ARMH4: variants seen among roughly 807,000 people sequenced by gnomAD.
The protein encoded by ARMH4 is armadillo like helical domain containing 4.
A neutral mutation model predicts 61.9 loss-of-function variants in ARMH4; 49 were observed. The observed-to-expected ratio is 0.79, with a 90% CI of 0.63 to 1.00. The LOEUF is 1.00. ARMH4 is among the 50% of genes least tolerant of loss of function. ARMH4 has a pLI of 0.00. For synonymous variants in ARMH4, 368 were observed against 341.5 expected, an observed-to-expected ratio of 1.08 and a Z score of -0.85; for missense variants, 934 against 930.0, an observed-to-expected ratio of 1.00 and a Z score of -0.06.
At chr14:58,058,251 C>T (rs1169110086) in intron 5 of ARMH4, among the ~76,000 whole-genome samples, 1 of 152,058 alleles carries the variant, frequency 6.6e-6, no homozygotes, top group African/African-American at 2.4e-5. Context: ...CCTAACGTAA[C>T]ATAAATGCCA....
intron 5 of ARMH4, among the ~76,000 whole-genome samples, chr14:58,057,197 G>A (rs942230212): frequency 4.6e-5 from 7 of 152,150 alleles, no homozygotes; most frequent in African/African-American, 7.2e-5. Flanking sequence ...GATGTTAAGC[G>A]AAATTGTCTA....
At chr14:58,060,200 G>T (rs1385546609) in intron 5 of ARMH4, among the ~76,000 whole-genome samples, 1 of 151,918 alleles carries the variant, frequency 6.6e-6, no homozygotes, top group Admixed American at 6.6e-5. Flanking sequence ...TCTTTCATTT[G>T]TCTACCTACA....
chr14:58,083,769 AC>A (rs1487840724), intron 5 of ARMH4, among the ~76,000 whole-genome samples: 1 of 152,158 alleles, frequency 6.6e-6, no homozygotes, highest in African/African-American at 2.4e-5. Context: ...AAAAGGGACA[AC>A]CCTTGCTGAC....
chr14:58,139,508 C>T, intron 1 of ARMH4, 94 bp from the exon 2 acceptor site: 2 of 708,022 alleles, frequency 2.8e-6, no homozygotes, highest in Non-Finnish European at 4.7e-6. Flanking sequence ...ATCTCCTTGA[C>T]TTTATAATAC....
chr14:58,077,230 T>C (rs1293555787), intron 5 of ARMH4, among the ~76,000 whole-genome samples: 1 of 152,164 alleles, frequency 6.6e-6, no homozygotes, highest in Non-Finnish European at 1.5e-5. Context: ...GTTGTTCTAT[T>C]TAAGAATGAG....
chr14:58,044,341 C>A (rs1157189340), intron 5 of ARMH4, among the ~76,000 whole-genome samples: 2 of 152,100 alleles, frequency 1.3e-5, no homozygotes, highest in Non-Finnish European at 2.9e-5. Flanking sequence ...CTTTGACAAA[C>A]CTGACAAAAA....
Position 58,138,612 on chromosome 14 carries a change from G to A in ARMH4, c.747C>T (p.Ser249=). 1 of 1,614,192 alleles carries A rather than the reference G, an allele frequency of 6.2e-7. No homozygotes were observed. Among genetic ancestry groups the A allele is most frequent in the Non-Finnish European group, 8.5e-7 (1 of 1,180,036 alleles). ...AESTAGSEPG[S]LTPDKEKPSQ... is the part of the protein sequence containing the mutation. The stretch of plus-strand genomic sequence containing the variant: ...AAGGCTTCTCCTTATCAGGGGTGAG[G>A]CTTCCAGGCTCACTGCCTGCTGTGG... Residue 249 remains serine, a synonymous_variant, in exon 2 of 8, where the codon AGC becomes AGT. Coordinates refer to ENST00000267485, the MANE Select transcript of ARMH4 (RefSeq NM_001001872.4).
intron 5 of ARMH4, among the ~76,000 whole-genome samples, chr14:58,085,544 T>A (rs947977228): frequency 6.6e-6 from 1 of 152,150 alleles, no homozygotes; most frequent in East Asian, 1.9e-4. Flanking sequence ...TAGTTCCAAG[T>A]CTCCTTTTCT....
intron 5 of ARMH4, among the ~76,000 whole-genome samples, chr14:58,032,745 G>A (rs928840724): frequency 1.4e-4 from 21 of 152,162 alleles, no homozygotes; most frequent in East Asian, 3.9e-4. Flanking sequence ...CCTGGGAAGC[G>A]CAAGGGGTCA....
At chr14:58,112,822 T>C (rs549625171) in intron 4 of ARMH4, among the ~76,000 whole-genome samples, 1 of 152,298 alleles carries the variant, frequency 6.6e-6, no homozygotes, top group Admixed American at 6.5e-5. Flanking sequence ...AGTTCCACCA[T>C]TGCTGCTAAG....
chr14:58,070,123 A>G (rs1245945093), intron 5 of ARMH4, among the ~76,000 whole-genome samples: 1 of 152,216 alleles, frequency 6.6e-6, no homozygotes, highest in Non-Finnish European at 1.5e-5. Context: ...AACCGAGTGA[A>G]GCAGAGAAGA....
At chr14:58,110,136 A>G (rs1260719070) in intron 4 of ARMH4, among the ~76,000 whole-genome samples, 1 of 152,208 alleles carries the variant, frequency 6.6e-6, no homozygotes, top group Non-Finnish European at 1.5e-5. Context: ...GCCAAACCGT[A>G]TCAATAGCTT....
At chr14:58,092,871 A>G (rs1885619957) in intron 5 of ARMH4, among the ~76,000 whole-genome samples, 1 of 151,134 alleles carries the variant, frequency 6.6e-6, no homozygotes, top group Admixed American at 6.6e-5. Context: ...GCTGGAATAC[A>G]GTGGCATAAT....
At chr14:58,141,031 C>A (rs1794523901) in intron 1 of ARMH4, among the ~76,000 whole-genome samples, 1 of 152,142 alleles carries the variant, frequency 6.6e-6, no homozygotes, top group African/African-American at 2.4e-5. Flanking sequence ...TCACCTTGAT[C>A]TTGGACTTCC....
chr14:58,051,843 T>C (rs918318584), intron 5 of ARMH4, among the ~76,000 whole-genome samples: 4 of 152,172 alleles, frequency 2.6e-5, no homozygotes, highest in African/African-American at 9.7e-5. Flanking sequence ...GGCATGCTGC[T>C]TCCCCAACTG....
intron 6 of ARMH4, among the ~76,000 whole-genome samples, chr14:58,009,080 T>A (rs1043172732): frequency 6.6e-6 from 1 of 152,190 alleles, no homozygotes; most frequent in Non-Finnish European, 1.5e-5. Flanking sequence ...TGTCCTTCAA[T>A]ATCCATTCTT....
Position 58,097,340 on chromosome 14 carries a change from A to C in ARMH4, c.1832-359T>G, listed in dbSNP as rs191062780. On this transcript the variant is annotated intron_variant, in intron 4 of 7. Coordinates refer to ENST00000267485, the MANE Select transcript of ARMH4 (RefSeq NM_001001872.4). ...AGTTTATCAGTTAGCACACTGTGAAATACTAACAGAACTTAAAAGAAGCTG... is the reference window on the plus strand; with the variant it reads ...AGTTTATCAGTTAGCACACTGTGAACTACTAACAGAACTTAAAAGAAGCTG... 8.5e-5 allele frequency among the ~76,000 whole-genome samples: 13 copies of C among 152,360 alleles called. No individual in the cohort carries two copies. In the East Asian group the frequency reaches 2.1e-3, roughly 25 times the overall value.
chr14:58,074,222 C>A (rs141444131), intron 5 of ARMH4, among the ~76,000 whole-genome samples: 1 of 152,172 alleles, frequency 6.6e-6, no homozygotes, highest in South Asian at 2.1e-4. Context: ...TTGATTCTCA[C>A]AAGATGATTT....
chr14:58,006,152 C>T (rs2141124337), intron 6 of ARMH4, among the ~76,000 whole-genome samples: 1 of 152,302 alleles, frequency 6.6e-6, no homozygotes, highest in East Asian at 1.9e-4. Context: ...GTGATCCCTA[C>T]ACCTTGGCCA....
Sources: allele counts gnomAD v4.1 joint callset (sites outside exome capture counted in the v4.1 genomes callset), GRCh38; gene constraint gnomAD v4.1.1; transcripts MANE v1.5; gene names NCBI Gene and HGNC (gene_info 2026-07-23, HGNC 2026-07-21).